Variants in PLCB1 observed in about 807,000 individuals in gnomAD.
PLCB1 encodes the protein 1-phosphatidylinositol 4,5-bisphosphate phosphodiesterase beta-1.
Under a neutral mutation model 161.8 loss-of-function variants are expected in PLCB1, and 46 were observed. The ratio of observed to expected loss-of-function variants is 0.28; its 90% CI spans 0.22 to 0.36. The LOEUF (loss-of-function observed/expected upper bound fraction) is 0.36. Ranked by LOEUF, PLCB1 falls within the 10% of genes least tolerant of loss-of-function variation. The probability of loss-of-function intolerance (pLI) is 1.00; values close to 1 mark genes in which losing one functional copy is unlikely to be tolerated. For synonymous variants in PLCB1, 517 were observed against 503.7 expected (o/e 1.03, Z -0.35); for missense variants, 1,016 against 1,472.5 (o/e 0.69, Z 5.07).
intron 18 of PLCB1, among the ~76,000 whole-genome samples, chr20:8,730,310 T>C (rs1246114287): frequency 6.6e-6 from 1 of 151,948 alleles, no homozygotes; most frequent in African/African-American, 2.4e-5. Context: ...GTCCATAGTC[T>C]CAGTGAGATC....
chr20:8,253,952 C>T (rs774532123), intron 2 of PLCB1, among the ~76,000 whole-genome samples: 10 of 151,946 alleles, frequency 6.6e-5, no homozygotes, highest in African/African-American at 1.7e-4. Flanking sequence ...GACATGATTT[C>T]GTTTCTTGTT....
At chr20:8,153,196 G>A (rs149613606) in intron 2 of PLCB1, among the ~76,000 whole-genome samples, 96 of 152,256 alleles carry the variant, frequency 6.3e-4, no homozygotes, top group African/African-American at 2.3e-3. Flanking sequence ...TGGAGTTGGT[G>A]GAAGCAGATA....
chr20:8,455,633 G>T (rs7270041), intron 3 of PLCB1, among the ~76,000 whole-genome samples: 1 of 151,370 alleles, frequency 6.6e-6, no homozygotes, highest in Non-Finnish European at 1.5e-5. Context: ...GTAGAGACAG[G>T]GTTTCACCAT....
chr20:8,872,180 T>C (rs1987632061), intron 31 of PLCB1, among the ~76,000 whole-genome samples: 1 of 152,204 alleles, frequency 6.6e-6, no homozygotes, highest in Non-Finnish European at 1.5e-5. Flanking sequence ...TTAATTTTAA[T>C]ATTATTTTGA....
intron 27 of PLCB1, among the ~76,000 whole-genome samples, chr20:8,779,202 T>C (rs936595563): frequency 1.3e-5 from 2 of 152,118 alleles, no homozygotes; most frequent in African/African-American, 4.8e-5. Context: ...AAAGAAAGCA[T>C]GGCATCCGTA....
At chr20:8,417,450 T>C (rs1254080219) in intron 3 of PLCB1, among the ~76,000 whole-genome samples, 1 of 79,552 alleles carries the variant, frequency 1.3e-5, no homozygotes, top group Admixed American at 1.0e-4. Flanking sequence ...TAATTCAGGG[T>C]TTTTTTTTTT....
Position 8,684,808 on chromosome 20 carries a change from A to G in PLCB1, c.863-124A>G, listed in dbSNP as rs45611036. 911 of 619,720 alleles carry G rather than the reference A, an allele frequency of 1.5e-3. 2 individuals carry two copies. Among genetic ancestry groups the G allele is most frequent in the African/African-American group, 0.012 (647 of 54,556 alleles). The allele number at this position is 619,720 out of a possible 1,614,324, so 38.4% of individuals were successfully genotyped here. A position where few individuals can be genotyped will look rare whatever the true frequency, so the allele number is the denominator to read the frequency against. ...ACAGAATAATCCTACACTCTTATTT[A>G]TCCATACTAAAATGTCTTCTACCTT... On this transcript the variant is annotated intron_variant, in intron 9 of 31. Transcript: ENST00000338037.
At chr20:8,813,635 G>A (rs567960014) in intron 31 of PLCB1, among the ~76,000 whole-genome samples, 2 of 152,006 alleles carry the variant, frequency 1.3e-5, no homozygotes, top group East Asian at 3.9e-4. Context: ...ATCGAAATCA[G>A]CCTGGGCAAG....
At chr20:8,265,202 C>T (rs1333769865) in intron 2 of PLCB1, among the ~76,000 whole-genome samples, 1 of 152,166 alleles carries the variant, frequency 6.6e-6, no homozygotes, top group Non-Finnish European at 1.5e-5. Context: ...TCAATCTTCT[C>T]CTCCATAAAA....
At chr20:8,874,525 T>C (rs533807913) in intron 31 of PLCB1, among the ~76,000 whole-genome samples, 6 of 152,038 alleles carry the variant, frequency 3.9e-5, no homozygotes, top group Non-Finnish European at 7.4e-5. Context: ...TTTCTGGATA[T>C]ATTAATATAA....
At chr20:8,661,741 A>G (rs901403943) in intron 9 of PLCB1, among the ~76,000 whole-genome samples, 1 of 151,108 alleles carries the variant, frequency 6.6e-6, no homozygotes, top group African/African-American at 2.4e-5. Flanking sequence ...CACTGTTTAA[A>G]GCAGGCCAAA....
At chr20:8,351,992 T>G (rs1244602309) in intron 2 of PLCB1, among the ~76,000 whole-genome samples, 1 of 152,056 alleles carries the variant, frequency 6.6e-6, no homozygotes, top group African/African-American at 2.4e-5. Flanking sequence ...CTCCTAGGTA[T>G]TTACCTAACA....
chr20:8,301,865 G>T (rs1395504141), intron 2 of PLCB1, among the ~76,000 whole-genome samples: 2 of 152,240 alleles, frequency 1.3e-5, no homozygotes, highest in East Asian at 3.8e-4. Context: ...GTTAGGATCT[G>T]GTGGTCAAGA....
intron 3 of PLCB1, among the ~76,000 whole-genome samples, chr20:8,507,171 A>G (rs1983671048): frequency 6.6e-6 from 1 of 152,192 alleles, no homozygotes; most frequent in African/African-American, 2.4e-5. Flanking sequence ...GAAGTGGATC[A>G]TCATAAAGGT....
At chr20:8,282,751 A>T (rs1982931406) in intron 2 of PLCB1, among the ~76,000 whole-genome samples, 1 of 152,156 alleles carries the variant, frequency 6.6e-6, no homozygotes, top group African/African-American at 2.4e-5. Flanking sequence ...CTATAAGCCA[A>T]AGTTGGATCT....
chr20:8,455,857 C>T (rs6055831), intron 3 of PLCB1, among the ~76,000 whole-genome samples: 3,115 of 152,270 alleles, frequency 0.02, 114 homozygotes, highest in African/African-American at 0.071. Flanking sequence ...TTCCTATATC[C>T]TCCATAGGCT....
intron 2 of PLCB1, among the ~76,000 whole-genome samples, chr20:8,298,488 T>C (rs1019993164): frequency 1.3e-5 from 2 of 151,868 alleles, no homozygotes; most frequent in Admixed American, 1.3e-4. Flanking sequence ...ATAATATTTC[T>C]AATATTTATT....
intron 31 of PLCB1, among the ~76,000 whole-genome samples, chr20:8,830,799 C>T (rs1985944485): frequency 6.6e-6 from 1 of 152,068 alleles, no homozygotes; most frequent in South Asian, 2.1e-4. Context: ...TATTCTAGCC[C>T]AGATTTTGCA....
intron 26 of PLCB1, among the ~76,000 whole-genome samples, chr20:8,766,969 A>G (rs1232972593): frequency 6.6e-6 from 1 of 152,114 alleles, no homozygotes; most frequent in Non-Finnish European, 1.5e-5. Flanking sequence ...CATGGAGAGA[A>G]GGGGATGAAT....
Sources: allele counts gnomAD v4.1 joint callset (sites outside exome capture counted in the v4.1 genomes callset), GRCh38; gene constraint gnomAD v4.1.1; transcripts MANE v1.5; gene names NCBI Gene and HGNC (gene_info 2026-07-23, HGNC 2026-07-21).